Variants in TOPAZ1 observed in about 807,000 individuals in gnomAD.
The protein encoded by TOPAZ1 is testis and ovary specific TOPAZ 1, also known as protein TOPAZ1.
A neutral mutation model predicts 172.2 loss-of-function variants in TOPAZ1; 66 were observed. The ratio of observed to expected loss-of-function variants is 0.38; its 90% confidence interval spans 0.31 to 0.47. The LOEUF (loss-of-function observed/expected upper bound fraction) is 0.47, where lower values mean the gene tolerates loss of function less well. TOPAZ1 is among the 20% of genes least tolerant of loss of function. TOPAZ1 has a pLI of 0.99. For synonymous variants in TOPAZ1, 681 were observed against 683.9 expected (o/e 1.00, Z 0.07); for missense variants, 1,822 against 1,972.4 (o/e 0.92, Z 1.44).
chr3:44,332,932 G>A (rs1039916495), downstream of TOPAZ1, among the ~76,000 whole-genome samples: 3 of 151,224 alleles, frequency 2.0e-5, no homozygotes, highest in African/African-American at 7.3e-5. Context: ...CCATGTAGCT[G>A]AGACTACAGG....
chr3:44,312,873 A>C (rs1700410694), intron 16 of TOPAZ1, among the ~76,000 whole-genome samples: 1 of 152,230 alleles, frequency 6.6e-6, no homozygotes, highest in African/African-American at 2.4e-5. Context: ...TAAGTAATAC[A>C]TATTAATAAA....
chr3:44,282,164 G>A, intron 9 of TOPAZ1, 133 bp downstream of exon 9: 13 of 560,584 alleles, frequency 2.3e-5, no homozygotes, highest in Non-Finnish European at 3.4e-5. Flanking sequence ...GCCTAAGAAA[G>A]GATTGAAAAT....
At chr3:44,251,701 G>A (rs1699633641) in intron 2 of TOPAZ1, among the ~76,000 whole-genome samples, 1 of 152,120 alleles carries the variant, frequency 6.6e-6, no homozygotes, top group African/African-American at 2.4e-5. Context: ...AAAGTGCTCT[G>A]GTAGAGAATA....
At chr3:44,332,323 T>C (rs1700679984), downstream of TOPAZ1, among the ~76,000 whole-genome samples, 1 of 152,150 alleles carries the variant, frequency 6.6e-6, no homozygotes, top group Non-Finnish European at 1.5e-5. Flanking sequence ...AGGGAAAATA[T>C]GCAAGCAGGT....
chr3:44,270,686 T>A lies in TOPAZ1; in HGVS notation c.3248T>A (p.Val1083Glu). The A allele has an allele frequency of 2.6e-6, 4 of 1,537,842 alleles. No individual in the cohort carries two copies. Among genetic ancestry groups the A allele is most frequent in the Non-Finnish European group, 3.5e-6 (4 of 1,141,504 alleles). The part of the protein sequence containing the change: ...EIFKREKNVG[V>E]FQKSLGLMIP... ...AAGTGAATCTTTCTAATTTTCTAGG[T>A]GTTCCAGAAGTCCCTAGGGTTGATG... The change falls in exon 8 of 20, where the codon GTG becomes GAG. Residue 1083 changes from valine (V) to glutamate (E), a missense_variant and splice_region_variant. Coordinates refer to ENST00000309765, the MANE Select transcript of TOPAZ1 (RefSeq NM_001145030.2).
intron 16 of TOPAZ1, among the ~76,000 whole-genome samples, chr3:44,319,972 G>T (rs1442495632): frequency 6.6e-6 from 1 of 152,182 alleles, no homozygotes; most frequent in Non-Finnish European, 1.5e-5. Flanking sequence ...ATATAGTAAT[G>T]TTTCACTATG....
chr3:44,242,875 T>G lies in TOPAZ1; in HGVS notation c.369T>G (p.Thr123=). Residue 123 remains threonine, a synonymous_variant, in exon 2 of 20, where the codon ACT becomes ACG. Coordinates refer to ENST00000309765, the MANE Select transcript of TOPAZ1 (RefSeq NM_001145030.2). ...CAGCCAAGGAAAAAAGAAAAGTTAC[T>G]GAAGCCTCAAGTGATGATCCACAGC... is the stretch of plus-strand genomic sequence containing the variant. ...ERHTKEKRKV[T]EASSDDPQPG... The G allele has an allele frequency of 6.6e-7, 1 of 1,506,692 alleles. No homozygotes were observed. The highest frequency in any genetic ancestry group is 1.3e-5 in the South Asian group (1 of 75,980). 93.3% of individuals were successfully genotyped at this position (1,506,692 alleles called of 1,614,324 possible).
chr3:44,303,940 G>T (rs2125699375), intron 12 of TOPAZ1, 75 bp from the exon 13 acceptor site: 1 of 838,770 alleles, frequency 1.2e-6, no homozygotes, highest in Non-Finnish European at 1.9e-6. Flanking sequence ...ATAAACCATA[G>T]GACAGATTAA....
downstream of TOPAZ1, among the ~76,000 whole-genome samples, chr3:44,335,253 A>C (rs1700710808): frequency 6.6e-6 from 1 of 152,172 alleles, no homozygotes; most frequent in Admixed American, 6.5e-5. Flanking sequence ...TACATTTTTG[A>C]GGCTTCTTGC....
At chr3:44,319,574 G>A (rs1349152185) in intron 16 of TOPAZ1, among the ~76,000 whole-genome samples, 1 of 152,148 alleles carries the variant, frequency 6.6e-6, no homozygotes, top group African/African-American at 2.4e-5. Flanking sequence ...TGGGAATTAT[G>A]TTTAACAGAT....
intron 12 of TOPAZ1, among the ~76,000 whole-genome samples, chr3:44,293,920 T>TA (rs1700167150): frequency 6.6e-6 from 1 of 152,202 alleles, no homozygotes; most frequent in African/African-American, 2.4e-5. Context: ...TACACAAAGA[T>TA]AAAATCACAT....
At chr3:44,314,873 T>C (rs947604013) in intron 16 of TOPAZ1, among the ~76,000 whole-genome samples, 35 of 152,312 alleles carry the variant, frequency 2.3e-4, no homozygotes, top group Non-Finnish European at 4.4e-5. Flanking sequence ...TCTGCCGATC[T>C]GGGGACCTCA....
intron 2 of TOPAZ1, among the ~76,000 whole-genome samples, chr3:44,251,653 G>A (rs973042145): frequency 6.6e-6 from 1 of 152,064 alleles, no homozygotes; most frequent in African/African-American, 2.4e-5. Flanking sequence ...AAAATTTCTT[G>A]GTTGGGACCC....
chr3:44,250,119 C>T (rs796868102), intron 2 of TOPAZ1, among the ~76,000 whole-genome samples: 91 of 152,084 alleles, frequency 6.0e-4, no homozygotes, highest in African/African-American at 2.0e-3. Flanking sequence ...TGGATCTATG[C>T]CGGGCAAATT....
chr3:44,316,476 A>G (rs1359537940), intron 16 of TOPAZ1, among the ~76,000 whole-genome samples: 3 of 152,162 alleles, frequency 2.0e-5, no homozygotes, highest in Non-Finnish European at 4.4e-5. Context: ...TGTCCTTTTT[A>G]TATTGCAGTA....
At chr3:44,288,970 T>G (rs1413817031) in intron 11 of TOPAZ1, among the ~76,000 whole-genome samples, 1 of 152,184 alleles carries the variant, frequency 6.6e-6, no homozygotes, top group African/African-American at 2.4e-5. Flanking sequence ...AGAAAGATGC[T>G]TTTCCTCCTC....
chr3:44,258,166 C>G (rs1699736580), intron 4 of TOPAZ1, among the ~76,000 whole-genome samples: 1 of 152,082 alleles, frequency 6.6e-6, no homozygotes, highest in African/African-American at 2.4e-5. Flanking sequence ...TTATTATTTT[C>G]TAATAGAGGC....
intron 4 of TOPAZ1, among the ~76,000 whole-genome samples, chr3:44,257,575 C>T (rs1002133732): frequency 2.7e-5 from 4 of 149,104 alleles, no homozygotes; most frequent in African/African-American, 9.9e-5. Flanking sequence ...TTAGGTTTAC[C>T]ATGGTAGTAA....
intron 12 of TOPAZ1, among the ~76,000 whole-genome samples, chr3:44,303,592 C>T (rs1200099746): frequency 1.3e-5 from 2 of 151,568 alleles, no homozygotes; most frequent in Non-Finnish European, 2.9e-5. Context: ...CTTCAATTCT[C>T]CCCATCAGGT....
Sources: gnomAD v4.1 joint callset for allele counts (sites outside exome capture counted in the v4.1 genomes callset) on GRCh38, gnomAD v4.1.1 for gene constraint, MANE v1.5 for transcripts, NCBI Gene and HGNC (gene_info 2026-07-23, HGNC 2026-07-21) for gene names.